PLPP4: variants seen among roughly 807,000 people sequenced by gnomAD.
PLPP4 encodes the protein phospholipid phosphatase 4.
PLPP4 carries 20 observed loss-of-function variants against 32.2 expected under a neutral mutation model. The observed-to-expected ratio is 0.62, with a 90% CI of 0.44 to 0.90. The LOEUF is 0.90. Ranked by LOEUF, PLPP4 falls within the 40% of genes least tolerant of loss-of-function variation. PLPP4 has a pLI of 0.00. For synonymous variants in PLPP4, 127 were observed against 133.0 expected (o/e 0.95, Z 0.31); for missense variants, 257 against 353.1 (o/e 0.73, Z 2.18).
chr10:120,584,196 C>T (rs1426198407), intron 6 of PLPP4, among the ~76,000 whole-genome samples: 3 of 152,194 alleles, frequency 2.0e-5, no homozygotes, highest in Non-Finnish European at 4.4e-5. Flanking sequence ...CAACCTCTCC[C>T]GGTTAACTCT....
In PLPP4 at chr10:120,521,134, A is replaced by G. The variant is rs748956624; in HGVS notation, c.445+39A>G. 4 of 1,610,620 alleles carry G rather than the reference A, an allele frequency of 2.5e-6. No individual in the cohort carries two copies. In the South Asian group the frequency reaches 4.4e-5, roughly 18 times the overall value. ...TGGGATTCTCTTAATGCCCCCAGTCATGTTTCCTGCTCACTGTCTTTGGGA... is the reference window on the plus strand; with the variant it reads ...TGGGATTCTCTTAATGCCCCCAGTCGTGTTTCCTGCTCACTGTCTTTGGGA... On this transcript the variant is annotated intron_variant, in intron 5 of 6. Coordinates refer to ENST00000398250, the MANE Select transcript of PLPP4 (RefSeq NM_001030059.3).
intron 5 of PLPP4, among the ~76,000 whole-genome samples, chr10:120,539,198 G>A (rs1447765768): frequency 2.6e-5 from 4 of 152,132 alleles, no homozygotes; most frequent in Non-Finnish European, 5.9e-5. Flanking sequence ...CTGTGCTTGT[G>A]GGGAACTGGA....
chr10:120,483,099 C>A (rs1443637197), intron 1 of PLPP4, among the ~76,000 whole-genome samples: 1 of 152,166 alleles, frequency 6.6e-6, no homozygotes, highest in African/African-American at 2.4e-5. Flanking sequence ...TCATCTTTCT[C>A]CCATGCTGAA....
intron 5 of PLPP4, among the ~76,000 whole-genome samples, chr10:120,538,044 C>CTGTGTGTG (rs1564825148): frequency 1.6e-4 from 5 of 31,250 alleles, no homozygotes; most frequent in African/African-American, 5.2e-4. Flanking sequence ...CTCTCTCTCT[C>CTGTGTGTG]TCTCTCTCTG....
At chr10:120,470,664 G>A (rs914095875) in intron 1 of PLPP4, among the ~76,000 whole-genome samples, 2 of 152,094 alleles carry the variant, frequency 1.3e-5, no homozygotes, top group African/African-American at 4.8e-5. Context: ...TTATGGGATT[G>A]CAACTAAATT....
chr10:120,463,082 C>G (rs554049264), intron 1 of PLPP4, among the ~76,000 whole-genome samples: 2 of 134,618 alleles, frequency 1.5e-5, no homozygotes, highest in East Asian at 4.5e-4. Flanking sequence ...GGAATGAGTG[C>G]AATGGTGCGA....
At chr10:120,463,217 G>A (rs946583133) in intron 1 of PLPP4, among the ~76,000 whole-genome samples, 19 of 152,008 alleles carry the variant, frequency 1.2e-4, no homozygotes, top group Middle Eastern at 3.4e-3. Flanking sequence ...TAGTAGAGAC[G>A]TAGTTTCACC....
At chr10:120,483,434 G>A (rs988191524) in intron 1 of PLPP4, among the ~76,000 whole-genome samples, 1 of 152,194 alleles carries the variant, frequency 6.6e-6, no homozygotes, top group African/African-American at 2.4e-5. Context: ...TAGGGGTCTT[G>A]TGAGGACTGA....
At position 120,589,582 on chromosome 10, in the gene PLPP4, T is replaced by G; in HGVS notation, c.*80T>G. The G allele has an allele frequency of 8.9e-7, 1 of 1,127,236 alleles. No homozygotes were observed. The allele number at this position is 1,127,236 out of a possible 1,614,324, so 69.8% of individuals were successfully genotyped here. A position where few individuals can be genotyped will look rare whatever the true frequency, so the allele number is the denominator to read the frequency against. On this transcript the variant is annotated 3_prime_UTR_variant, in exon 7 of 7. Transcript: ENST00000398250. ...TCATAACACAATAGAAATGGTTTTC[T>G]GTAGTGTATTTTTCATCAGTTGTTT...
At chr10:120,543,338 G>C (rs993314330) in intron 5 of PLPP4, among the ~76,000 whole-genome samples, 1 of 152,202 alleles carries the variant, frequency 6.6e-6, no homozygotes, top group African/African-American at 2.4e-5. Context: ...CCTTGCAGCT[G>C]CCTGTCTCAG....
chr10:120,591,329 C>T lies in PLPP4; in HGVS notation c.*1827C>T, dbSNP rs1325813901. Among the ~76,000 whole-genome samples, 1 of 152,052 alleles carries T rather than the reference C, an allele frequency of 6.6e-6. No individual in the cohort carries two copies. The highest frequency in any genetic ancestry group is 1.5e-5 in the Non-Finnish European group (1 of 68,004). On this transcript the variant is annotated 3_prime_UTR_variant, in exon 7 of 7. Coordinates refer to ENST00000398250, the MANE Select transcript of PLPP4 (RefSeq NM_001030059.3). ...GCTTTGGCACGGTCATGTGATTGTC[C>T]CCTGGATGGAGTGGGAGAGGGGGAG...
At chr10:120,476,712 C>T (rs577856991) in intron 1 of PLPP4, among the ~76,000 whole-genome samples, 42 of 152,334 alleles carry the variant, frequency 2.8e-4, no homozygotes, top group Middle Eastern at 3.4e-3. Context: ...TCTACCTCTA[C>T]TTGTATTACT....
At chr10:120,560,908 G>A (rs928103969) in intron 5 of PLPP4, among the ~76,000 whole-genome samples, 1 of 152,116 alleles carries the variant, frequency 6.6e-6, no homozygotes, top group Admixed American at 6.5e-5. Context: ...AAATTTTGGG[G>A]GGAGTCGAAA....
intron 5 of PLPP4, among the ~76,000 whole-genome samples, chr10:120,521,597 G>A (rs866996754): frequency 2.6e-5 from 4 of 152,146 alleles, no homozygotes; most frequent in Non-Finnish European, 5.9e-5. Context: ...TTAAAACAAA[G>A]ACTTAATACT....
At chr10:120,527,455 A>C (rs1002402558) in intron 5 of PLPP4, among the ~76,000 whole-genome samples, 10 of 152,138 alleles carry the variant, frequency 6.6e-5, no homozygotes, top group Non-Finnish European at 1.5e-4. Flanking sequence ...ACCCTCCATA[A>C]TTTCTTACTT....
intron 5 of PLPP4, among the ~76,000 whole-genome samples, chr10:120,561,790 T>C (rs543384103): frequency 6.6e-5 from 10 of 152,176 alleles, no homozygotes; most frequent in Non-Finnish European, 1.5e-4. Context: ...TAATGCTTTC[T>C]CCCAGAAGTG....
intron 5 of PLPP4, among the ~76,000 whole-genome samples, chr10:120,529,434 A>G (rs991489031): frequency 2.6e-5 from 4 of 152,244 alleles, no homozygotes; most frequent in Non-Finnish European, 4.4e-5. Context: ...CTGAATAAGT[A>G]GAATATTTTT....
intron 1 of PLPP4, among the ~76,000 whole-genome samples, chr10:120,489,114 C>T (rs73369287): frequency 0.022 from 3,331 of 152,242 alleles, 116 homozygotes; most frequent in African/African-American, 0.076. Flanking sequence ...GAATAAGGAG[C>T]GGTTCAGGCA....
In PLPP4 at chr10:120,543,395, G is replaced by A. The variant is rs570399897; in HGVS notation, c.445+22300G>A. Reference sequence around the variant, plus strand: ...GCCTGTTACCCCTGATAGCTCCTATGGTGGGAAGAGCTGGAGCTTGTGAAG... The same window carrying A: ...GCCTGTTACCCCTGATAGCTCCTATAGTGGGAAGAGCTGGAGCTTGTGAAG... On this transcript the variant is annotated intron_variant, in intron 5 of 6. Transcript: ENST00000398250. 9.9e-5 allele frequency among the ~76,000 whole-genome samples: 15 copies of A among 152,280 alleles called. No homozygotes were observed. In the South Asian group the frequency reaches 3.1e-3, roughly 32 times the overall value.
Sources: gnomAD v4.1 joint callset for allele counts (sites outside exome capture counted in the v4.1 genomes callset) on GRCh38, gnomAD v4.1.1 for gene constraint, MANE v1.5 for transcripts, NCBI Gene and HGNC (gene_info 2026-07-23, HGNC 2026-07-21) for gene names.